RSPO3: variants seen among roughly 807,000 people sequenced by gnomAD.
The protein encoded by RSPO3 is R-spondin 3.
Under a neutral mutation model 36.5 loss-of-function variants are expected in RSPO3, and 17 were observed. The observed-to-expected ratio is 0.47, with a 90% CI of 0.32 to 0.70. The LOEUF (loss-of-function observed/expected upper bound fraction) is 0.70. Among genes scored for constraint, RSPO3 ranks in the 30% least tolerant of loss-of-function variants. The probability of loss-of-function intolerance (pLI) is 0.04; values close to 1 mark genes in which losing one functional copy is unlikely to be tolerated. For missense variants in RSPO3, 294 were observed against 322.5 expected (o/e 0.91, Z 0.68); for synonymous variants, 108 against 107.0 (o/e 1.01, Z -0.06).
intron 4 of RSPO3, among the ~76,000 whole-genome samples, chr6:127,187,238 C>CA (rs2114261279): frequency 6.6e-6 from 1 of 152,210 alleles, no homozygotes; most frequent in Admixed American, 6.5e-5. Context: ...TGGGATAGAA[C>CA]ACGACAATGT....
intron 1 of RSPO3, among the ~76,000 whole-genome samples, chr6:127,139,879 A>C (rs1774235299): frequency 6.6e-6 from 1 of 151,982 alleles, no homozygotes; most frequent in African/African-American, 2.4e-5. Flanking sequence ...TCAGTACCTT[A>C]CATTTTACAC....
At chr6:127,150,247 A>C (rs907730502) in intron 2 of RSPO3, among the ~76,000 whole-genome samples, 179 bp from the exon 3 acceptor site, 2 of 151,848 alleles carry the variant, frequency 1.3e-5, no homozygotes, top group African/African-American at 4.8e-5. Flanking sequence ...ATCAATAACC[A>C]ATGTACCTCA....
At chr6:127,151,261 G>A (rs1774485716) in intron 3 of RSPO3, among the ~76,000 whole-genome samples, 2 of 151,892 alleles carry the variant, frequency 1.3e-5, no homozygotes, top group Non-Finnish European at 2.9e-5. Flanking sequence ...CTGATTAATT[G>A]CAGGCCAAAT....
At chr6:127,189,474 T>C (rs1423235115) in intron 4 of RSPO3, among the ~76,000 whole-genome samples, 1 of 152,130 alleles carries the variant, frequency 6.6e-6, no homozygotes, top group East Asian at 1.9e-4. Flanking sequence ...ACAAGGACCC[T>C]GAGGGCCATG....
chr6:127,123,012 G>T (rs542442364), intron 1 of RSPO3, among the ~76,000 whole-genome samples: 2 of 152,148 alleles, frequency 1.3e-5, no homozygotes, highest in African/African-American at 4.8e-5. Context: ...AGCACTCATT[G>T]CACAATCTAT....
chr6:127,138,999 G>A (rs968637457), intron 1 of RSPO3, among the ~76,000 whole-genome samples: 2 of 152,004 alleles, frequency 1.3e-5, no homozygotes, highest in Admixed American at 1.3e-4. Context: ...CACAATGCAG[G>A]GAGCCATGCA....
At position 127,155,347 on chromosome 6, in the gene RSPO3, G is replaced by A. The variant is rs751738392; in HGVS notation, c.543G>A (p.Gln181=). The part of the protein sequence containing the change: ...GTETRVREII[Q]HPSAKGNLCP... ...AAACACGGGTCCGAGAAATAATACA[G>A]CATCCTTCAGCAAAGGGTAACCTGT... The change falls in exon 4 of 5, where the codon CAG becomes CAA. Residue 181 remains glutamine (Q), a synonymous_variant. Coordinates refer to ENST00000356698, the MANE Select transcript of RSPO3 (RefSeq NM_032784.5). 2 of 1,613,850 alleles carry A rather than the reference G, an allele frequency of 1.2e-6. No homozygotes were observed. Among genetic ancestry groups the A allele is most frequent in the Non-Finnish European group, 1.7e-6 (2 of 1,179,876 alleles).
intron 4 of RSPO3, among the ~76,000 whole-genome samples, chr6:127,166,130 G>T (rs959873931): frequency 1.3e-5 from 2 of 151,914 alleles, no homozygotes; most frequent in Admixed American, 1.3e-4. Flanking sequence ...TACAGAAAAA[G>T]AATAAATTGT....
At chr6:127,141,898 T>A (rs1006654672) in intron 1 of RSPO3, among the ~76,000 whole-genome samples, 1 of 152,176 alleles carries the variant, frequency 6.6e-6, no homozygotes, top group Non-Finnish European at 1.5e-5. Flanking sequence ...TGTGTATCCA[T>A]ATACACATGC....
intron 1 of RSPO3, among the ~76,000 whole-genome samples, chr6:127,120,458 G>A (rs2114528368): frequency 6.6e-6 from 1 of 152,328 alleles, no homozygotes; most frequent in Non-Finnish European, 1.5e-5. Context: ...GCACCTCCGC[G>A]GCGTGCAGCC....
intron 4 of RSPO3, among the ~76,000 whole-genome samples, chr6:127,187,219 T>C (rs1318181930): frequency 2.0e-5 from 3 of 152,142 alleles, no homozygotes; most frequent in South Asian, 2.1e-4. Context: ...TAGGTCCAAA[T>C]TGAAAATTTG....
chr6:127,167,763 C>G (rs1160181671), intron 4 of RSPO3, among the ~76,000 whole-genome samples: 1 of 151,952 alleles, frequency 6.6e-6, no homozygotes, highest in African/African-American at 2.4e-5. Context: ...CTCCCCCATC[C>G]CCCCATCCCA....
chr6:127,165,789 TA>T (rs1163579907), intron 4 of RSPO3, among the ~76,000 whole-genome samples: 1 of 152,010 alleles, frequency 6.6e-6, no homozygotes, highest in East Asian at 1.9e-4. Context: ...TGAAATAGTT[TA>T]AAAACCAGAA....
Position 127,163,014 on chromosome 6 carries a change from C to T in RSPO3, c.634+7576C>T, listed in dbSNP as rs557566447. On this transcript the variant is annotated intron_variant, in intron 4 of 4. Transcript: ENST00000356698. ...GTGGAACAATGCTGAGTTAACCGGC[C>T]CTTTGGAGAAATGACCCCAAGACCT... 2.0e-5 allele frequency among the ~76,000 whole-genome samples: 3 copies of T among 152,058 alleles called. No individual in the cohort carries two copies. In the South Asian group the frequency reaches 6.2e-4, roughly 32 times the overall value.
chr6:127,140,706 G>C (rs1440354191), intron 1 of RSPO3, among the ~76,000 whole-genome samples: 2 of 152,064 alleles, frequency 1.3e-5, no homozygotes, highest in African/African-American at 2.4e-5. Context: ...ATGTACTTAG[G>C]CTTTTTACTC....
chr6:127,180,487 C>CAAAAAAAAAAAAAAAAAAAAAAAA (rs71543112), intron 4 of RSPO3, among the ~76,000 whole-genome samples: 1 of 42,616 alleles, frequency 2.3e-5, no homozygotes, highest in African/African-American at 8.4e-5. Context: ...TGGAAGAAAA[C>CAAAAAAAAAAAAAAAAAAAAAAAA]AAAAAAAAAA....
intron 4 of RSPO3, among the ~76,000 whole-genome samples, chr6:127,190,966 T>C (rs1387266680): frequency 2.0e-5 from 3 of 152,176 alleles, no homozygotes; most frequent in Non-Finnish European, 4.4e-5. Flanking sequence ...TTGAACGTGT[T>C]CTATGGTTTG....
At chr6:127,168,173 G>A (rs1325772868) in intron 4 of RSPO3, among the ~76,000 whole-genome samples, 16 of 152,014 alleles carry the variant, frequency 1.1e-4, no homozygotes, top group South Asian at 4.2e-4. Context: ...TTGAGGAATC[G>A]CCACACTGTC....
chr6:127,130,685 G>T (rs1774033625), intron 1 of RSPO3, among the ~76,000 whole-genome samples: 1 of 152,058 alleles, frequency 6.6e-6, no homozygotes, highest in Non-Finnish European at 1.5e-5. Flanking sequence ...AAAATTTTTT[G>T]CTGTGTTTAC....
Sources: gnomAD v4.1 joint callset for allele counts (sites outside exome capture counted in the v4.1 genomes callset) on GRCh38, gnomAD v4.1.1 for gene constraint, MANE v1.5 for transcripts, NCBI Gene and HGNC (gene_info 2026-07-23, HGNC 2026-07-21) for gene names.